Variants in UTRN observed in about 807,000 individuals in gnomAD.
The protein encoded by UTRN is utrophin.
UTRN carries 283 observed loss-of-function variants against 463.9 expected under a neutral mutation model. The observed-to-expected ratio is 0.61, with a 90% CI of 0.55 to 0.67. The LOEUF (loss-of-function observed/expected upper bound fraction) is 0.67. Among genes scored for constraint, UTRN ranks in the 30% least tolerant of loss-of-function variants. The pLI, the probability that UTRN is intolerant of heterozygous loss-of-function variation, is 0.00. For missense variants in UTRN, 3,922 were observed against 4,084.3 expected (o/e 0.96, Z 1.08); for synonymous variants, 1,442 against 1,431.5 (o/e 1.01, Z -0.17).
At chr6:144,346,069 T>A (rs534371973) in intron 2 of UTRN, among the ~76,000 whole-genome samples, 1 of 151,908 alleles carries the variant, frequency 6.6e-6, no homozygotes, top group East Asian at 1.9e-4. Flanking sequence ...TCCCAGCTAC[T>A]TGGGAGGCTG....
intron 59 of UTRN, 51 bp downstream of exon 59, chr6:144,772,019 T>TTTA (rs1794099144): frequency 2.6e-6 from 1 of 380,170 alleles, no homozygotes; most frequent in Non-Finnish European, 3.1e-6. Context: ...AGAACCGGTT[T>TTTA]TTTTTTTTTT....
intron 4 of UTRN, among the ~76,000 whole-genome samples, chr6:144,422,481 G>A (rs969584262): frequency 1.1e-4 from 16 of 152,146 alleles, no homozygotes; most frequent in Admixed American, 9.8e-4. Context: ...GCTGGGTGTG[G>A]CGGCATGTGC....
chr6:144,454,094 G>C (rs1788586812), intron 19 of UTRN, among the ~76,000 whole-genome samples: 1 of 152,080 alleles, frequency 6.6e-6, no homozygotes, highest in Non-Finnish European at 1.5e-5. Context: ...TTTTATATGG[G>C]GTCGGGGCTG....
At position 144,797,982 on chromosome 6, in the gene UTRN, C is replaced by T. The variant is rs370190344; in HGVS notation, c.9237C>T (p.Val3079=). 10 of 1,613,858 alleles carry T rather than the reference C, an allele frequency of 6.2e-6. No individual in the cohort carries two copies. Among genetic ancestry groups the T allele is most frequent in the African/African-American group, 5.3e-5 (4 of 74,870 alleles). The part of the protein sequence containing the change: ...KCNICKECPI[V]GFRYRSLKHF... ...ACATCTGTAAAGAATGTCCAATTGT[C>T]GGGTTCAGGTAAGGCGTGCCAGTGC... Residue 3079 remains valine (V), a synonymous_variant, in exon 64 of 75, where the codon GTC becomes GTT. Transcript: ENST00000367545.
chr6:144,341,683 A>G (rs944628038), intron 2 of UTRN, among the ~76,000 whole-genome samples: 1 of 152,218 alleles, frequency 6.6e-6, no homozygotes, highest in African/African-American at 2.4e-5. Flanking sequence ...GCCTGTTTCT[A>G]TTTCAGAGGA....
chr6:144,557,046 T>C, intron 49 of UTRN, 111 bp from the exon 50 acceptor site: 2 of 1,342,464 alleles, frequency 1.5e-6, no homozygotes, highest in Non-Finnish European at 2.0e-6. Context: ...GTTTTCATCC[T>C]GTGATATCTG....
chr6:144,618,840 T>G (rs960150069), intron 51 of UTRN, among the ~76,000 whole-genome samples: 3 of 152,112 alleles, frequency 2.0e-5, no homozygotes, highest in Non-Finnish European at 4.4e-5. Context: ...CCAAATAAAG[T>G]TAGAACACAC....
At chr6:144,463,826 A>C (rs190774527) in intron 23 of UTRN, among the ~76,000 whole-genome samples, 1 of 151,358 alleles carries the variant, frequency 6.6e-6, no homozygotes, top group South Asian at 2.1e-4. Flanking sequence ...ATATATATAG[A>C]TAGATAGATT....
At chr6:144,736,472 T>A (rs1789410500) in intron 54 of UTRN, among the ~76,000 whole-genome samples, 2 of 152,164 alleles carry the variant, frequency 1.3e-5, no homozygotes, top group African/African-American at 4.8e-5. Flanking sequence ...TTCCTTTAAA[T>A]TTTTTCCATT....
intron 51 of UTRN, among the ~76,000 whole-genome samples, chr6:144,670,574 A>G (rs989061712): frequency 6.6e-6 from 1 of 151,366 alleles, no homozygotes; most frequent in African/African-American, 2.4e-5. Flanking sequence ...CCACTCTGTG[A>G]CTCTATGGGC....
intron 54 of UTRN, among the ~76,000 whole-genome samples, chr6:144,738,001 A>G (rs1789627352): frequency 6.6e-6 from 1 of 152,188 alleles, no homozygotes; most frequent in Non-Finnish European, 1.5e-5. Flanking sequence ...TTTAAAAATA[A>G]AAACACAAAG....
chr6:144,450,742 C>T (rs1015973868), intron 17 of UTRN, among the ~76,000 whole-genome samples: 1 of 152,268 alleles, frequency 6.6e-6, no homozygotes, highest in African/African-American at 2.4e-5. Context: ...GATTATCTAA[C>T]CAACTCTGGT....
chr6:144,436,914 TTA>T (rs200875059), intron 10 of UTRN, among the ~76,000 whole-genome samples: 1 of 145,388 alleles, frequency 6.9e-6, no homozygotes, highest in South Asian at 2.1e-4. Flanking sequence ...TATTTATATA[TTA>T]TATATGTATA....
At chr6:144,788,996 C>T (rs1434084210) in intron 61 of UTRN, among the ~76,000 whole-genome samples, 198 bp from the exon 62 acceptor site, 14 of 152,058 alleles carry the variant, frequency 9.2e-5, no homozygotes, top group Non-Finnish European at 1.2e-4. Flanking sequence ...TAGCCTTGGC[C>T]AAACACCCTG....
chr6:144,665,439 T>C (rs1780284379), intron 51 of UTRN, among the ~76,000 whole-genome samples: 1 of 151,504 alleles, frequency 6.6e-6, no homozygotes, highest in Non-Finnish European at 1.5e-5. Flanking sequence ...TACTTGTAGC[T>C]TTATAATCAA....
intron 2 of UTRN, among the ~76,000 whole-genome samples, chr6:144,342,257 C>CTT (rs1273044401): frequency 1.3e-5 from 2 of 151,938 alleles, no homozygotes; most frequent in Non-Finnish European, 1.5e-5. Flanking sequence ...AAGGATGCAA[C>CTT]TTTGGAAAGC....
Position 144,490,933 on chromosome 6 carries a change from A to G in UTRN, c.4268A>G (p.Lys1423Arg). 6.3e-7 allele frequency: 1 copy of G among 1,586,996 alleles called. No homozygotes were observed. The highest frequency in any genetic ancestry group is 8.6e-7 in the Non-Finnish European group (1 of 1,165,988). ...GGSQMDVLQR[K>R]LREVSTKFQL... ...TATTTTCATTTCTGCAAACAGAGGA[A>G]ACTCCGAGAGGTGTCCACAAAGTTC... The change falls in exon 32 of 75, where the codon AAA becomes AGA. Residue 1423 changes from lysine (K) to arginine (R), a missense_variant. Lys to Arg is a conservative substitution (Grantham distance 26, BLOSUM62 2). Around this residue, in one of 3 missense-constraint regions of UTRN, gnomAD observed 2,349 missense variants for 2,303.8 expected, o/e 1.02. Coordinates refer to ENST00000367545, the MANE Select transcript of UTRN (RefSeq NM_007124.3).
chr6:144,824,448 CA>C (rs1562954275), intron 66 of UTRN, among the ~76,000 whole-genome samples: 4 of 85,204 alleles, frequency 4.7e-5, no homozygotes, highest in East Asian at 3.0e-4. Context: ...TATATATACA[CA>C]TATACAATAA....
intron 1 of UTRN, among the ~76,000 whole-genome samples, chr6:144,290,072 T>C (rs1259802560): frequency 6.6e-6 from 1 of 152,220 alleles, no homozygotes; most frequent in East Asian, 1.9e-4. Context: ...TAGACAGATA[T>C]ATGCTATTCT....
Sources: gnomAD v4.1 joint callset for allele counts (sites outside exome capture counted in the v4.1 genomes callset) on GRCh38, gnomAD v4.1.1 for gene constraint, gnomAD v4.1.1 regional missense constraint, MANE v1.5 for transcripts, NCBI Gene and HGNC (gene_info 2026-07-23, HGNC 2026-07-21) for gene names.